The following GTSE1 variants were observed in gnomAD, a reference collection of about 807,000 sequenced individuals.
GTSE1 encodes G2 and S-phase expressed 1.
GTSE1 carries 52 observed loss-of-function variants against 60.5 expected under a neutral mutation model. The observed-to-expected ratio is 0.86, with a 90% CI of 0.69 to 1.08. The LOEUF (loss-of-function observed/expected upper bound fraction) is 1.08. GTSE1 is among the 50% of genes least tolerant of loss of function. The pLI, the probability that GTSE1 is intolerant of heterozygous loss-of-function variation, is 0.00. For synonymous variants in GTSE1, 368 were observed against 386.5 expected, an observed-to-expected ratio of 0.95 and a Z score of 0.56; for missense variants, 937 against 961.8, an observed-to-expected ratio of 0.97 and a Z score of 0.34.
At chr22:46,328,194 G>A (rs951427639) in intron 9 of GTSE1, among the ~76,000 whole-genome samples, 7 of 152,148 alleles carry the variant, frequency 4.6e-5, no homozygotes, top group South Asian at 2.1e-4. Flanking sequence ...TGTGGGAGAC[G>A]CCATTGGAAA....
chr22:46,306,402 T>C (rs189156506), intron 2 of GTSE1, among the ~76,000 whole-genome samples: 3 of 152,146 alleles, frequency 2.0e-5, no homozygotes, highest in East Asian at 3.9e-4. Context: ...AGGATGGTCT[T>C]GATCTCCTGA....
chr22:46,318,347 C>T lies in GTSE1; in HGVS notation c.1432+1935C>T, dbSNP rs1256485600. On this transcript the variant is annotated intron_variant, in intron 7 of 11. Transcript: ENST00000454366. This position sits in a 1 kb window ranked among gnomAD's most constrained non-coding sequence, Gnocchi z 4.8. ...ACTCCCAGAAACTGCATTCTGAGTC[C>T]TGCTGTAGGAACAAGCTGTTCTGCT... Among the ~76,000 whole-genome samples, 1 of 152,172 alleles carries T rather than the reference C, an allele frequency of 6.6e-6. No individual in the cohort carries two copies. The highest frequency in any genetic ancestry group is 1.5e-5 in the Non-Finnish European group (1 of 68,022).
At chr22:46,302,365 T>C (rs1184140334) in intron 2 of GTSE1, among the ~76,000 whole-genome samples, 1 of 152,150 alleles carries the variant, frequency 6.6e-6, no homozygotes, top group Non-Finnish European at 1.5e-5. Context: ...TGAAGGTCAA[T>C]CTTTTATTTT....
rs537490335 is a variant in GTSE1, at chr22:46,322,294, C to T, written c.1433-896C>T. Among the ~76,000 whole-genome samples the T allele has an allele frequency of 1.5e-4, 23 of 152,252 alleles. No homozygotes were observed. The South Asian group carries it at 1.7e-3, about 11-fold the overall frequency. ...CTGTGGGGGCAGCAGCCTGGACCCT[C>T]GCCTGGCCTCCTGGAAGCACCTGTG... On this transcript the variant is annotated intron_variant, in intron 7 of 11. Transcript: ENST00000454366.
chr22:46,311,703 T>G (rs1260437983), intron 4 of GTSE1, among the ~76,000 whole-genome samples: 1 of 152,172 alleles, frequency 6.6e-6, no homozygotes, highest in Non-Finnish European at 1.5e-5. Context: ...CCAAAGAAAA[T>G]GGCTTTCAGT....
At chr22:46,301,731 C>T (rs1162728047) in intron 2 of GTSE1, among the ~76,000 whole-genome samples, 3 of 151,982 alleles carry the variant, frequency 2.0e-5, no homozygotes, top group Non-Finnish European at 4.4e-5. Context: ...TCAGGTGATC[C>T]ACCCGCCTCG....
chr22:46,297,497 C>A lies in GTSE1; in HGVS notation c.79+18C>A, dbSNP rs562110254. 4 of 1,564,832 alleles carry A rather than the reference C, an allele frequency of 2.6e-6. No homozygotes were observed. In the African/African-American group the frequency reaches 4.1e-5, roughly 16 times the overall value. Reference sequence around the variant, plus strand: ...GAAGGAAGGCAAGTCCTTGCTGCTGCGGCGCTGTTGTTGTTCAGGATGTTC... The same window carrying A: ...GAAGGAAGGCAAGTCCTTGCTGCTGAGGCGCTGTTGTTGTTCAGGATGTTC... On this transcript the variant is annotated intron_variant, in intron 2 of 11. Transcript: ENST00000454366. The surrounding 1 kb of genome is among the most constrained non-coding windows in gnomAD (Gnocchi z 4.9).
chr22:46,311,166 C>T (rs1304044606), intron 4 of GTSE1, among the ~76,000 whole-genome samples: 1 of 152,052 alleles, frequency 6.6e-6, no homozygotes, highest in Non-Finnish European at 1.5e-5. Flanking sequence ...CATCCTCTGC[C>T]TCTCGGGTTC....
At position 46,310,516 on chromosome 22, in the gene GTSE1, A is replaced by C. The variant is rs1193112820; in HGVS notation, c.762+1573A>C. Among the ~76,000 whole-genome samples, 1 of 152,244 alleles carries C rather than the reference A, an allele frequency of 6.6e-6. No individual in the cohort carries two copies. The highest frequency in any genetic ancestry group is 2.1e-4 in the South Asian group (1 of 4,830). ...TATCCACAGAAAAATCCACATGCAG[A>C]TGTTCGAAGCAGCATTATTCATAAC... On this transcript the variant is annotated intron_variant, in intron 4 of 11. Transcript: ENST00000454366. The surrounding 1 kb of genome is among the most constrained non-coding windows in gnomAD (Gnocchi z 4.4).
intron 2 of GTSE1, among the ~76,000 whole-genome samples, chr22:46,300,247 G>A (rs1037335361): frequency 1.3e-5 from 2 of 152,202 alleles, no homozygotes; most frequent in African/African-American, 4.8e-5. Flanking sequence ...AAAGGCATGA[G>A]CCACCGTGCC....
Position 46,312,220 on chromosome 22 carries a change from A to G in GTSE1, c.842A>G (p.Asp281Gly). 6.2e-7 allele frequency: 1 copy of G among 1,614,170 alleles called. No individual in the cohort carries two copies. Among genetic ancestry groups the G allele is most frequent in the Non-Finnish European group, 8.5e-7 (1 of 1,180,014 alleles). Residue 281 changes from aspartate (D) to glycine (G), a missense_variant, in exon 5 of 12, where the codon GAC (aspartate) becomes GGC (glycine). Coordinates refer to ENST00000454366, the MANE Select transcript of GTSE1 (RefSeq NM_016426.7). ...EKESHRDVLP[D>G]KPAPGAVNVP... ...GAATCCCACCGGGATGTTCTCCCTG[A>G]CAAACCTGCCCCGGGTGCTGTCAAT...
chr22:46,329,128 A>G lies in GTSE1; in HGVS notation c.1927-230A>G. On this transcript the variant is annotated intron_variant, in intron 10 of 11. Coordinates refer to ENST00000454366, the MANE Select transcript of GTSE1 (RefSeq NM_016426.7). This position sits in a 1 kb window ranked among gnomAD's most constrained non-coding sequence, Gnocchi z 6.4. Reference sequence around the variant, plus strand: ...GATCAAAGCTGAGGAAGCGGGAAGCAGGGTGGCAGGAGCTGGTGGCTGCTG... The same window carrying G: ...GATCAAAGCTGAGGAAGCGGGAAGCGGGGTGGCAGGAGCTGGTGGCTGCTG... The G allele has an allele frequency of 1.6e-6, 1 of 625,232 alleles. No homozygotes were observed. Among genetic ancestry groups the G allele is most frequent in the Non-Finnish European group, 2.8e-6 (1 of 354,442 alleles). 38.7% of individuals were successfully genotyped at this position (625,232 alleles called of 1,614,324 possible).
chr22:46,311,131 G>C (rs1224558942), intron 4 of GTSE1, among the ~76,000 whole-genome samples: 1 of 151,872 alleles, frequency 6.6e-6, no homozygotes, highest in African/African-American at 2.4e-5. Flanking sequence ...AGGCAGGAGT[G>C]CAATGGTGCA....
In GTSE1 at chr22:46,297,344, C is replaced by A; in HGVS notation, c.-21-36C>A. ...AGGAAGCCGGAGCCCTGGGCCCTGACACGTACTCACTTTCTGGCCCCGTTC... is the reference window on the plus strand; with the variant it reads ...AGGAAGCCGGAGCCCTGGGCCCTGAAACGTACTCACTTTCTGGCCCCGTTC... On this transcript the variant is annotated intron_variant, in intron 1 of 11. Coordinates refer to ENST00000454366, the MANE Select transcript of GTSE1 (RefSeq NM_016426.7). The surrounding 1 kb of genome is among the most constrained non-coding windows in gnomAD (Gnocchi z 4.9). 8.5e-7 allele frequency: 1 copy of A among 1,182,786 alleles called. No homozygotes were observed. Among genetic ancestry groups the A allele is most frequent in the Non-Finnish European group, 1.3e-6 (1 of 787,576 alleles). The allele number at this position is 1,182,786 out of a possible 1,614,324, so 73.3% of individuals were successfully genotyped here.
In GTSE1 at chr22:46,312,126, A is replaced by T. The variant is rs985279046; in HGVS notation, c.763-15A>T. ...AGCACTAGACAGTTCTCACAGTTCA[A>T]ATTAAAATTTTCAGCCCAAGAAAGA... On this transcript the variant is annotated splice_polypyrimidine_tract_variant and intron_variant, in intron 4 of 11. Transcript: ENST00000454366. 3.1e-6 allele frequency: 5 copies of T among 1,605,688 alleles called. No individual in the cohort carries two copies. Among genetic ancestry groups the T allele is most frequent in the Admixed American group, 1.7e-5 (1 of 59,194 alleles).
chr22:46,326,788 T>C, intron 9 of GTSE1, 134 bp downstream of exon 9: 1 of 612,466 alleles, frequency 1.6e-6, no homozygotes, highest in Non-Finnish European at 2.7e-6. Context: ...TTTGTTTTTT[T>C]TTTCATTGCA....
In GTSE1 at chr22:46,329,974, T is replaced by C; in HGVS notation, c.2137-73T>C. The C allele has an allele frequency of 1.1e-6, 1 of 918,116 alleles. No homozygotes were observed. Among genetic ancestry groups the C allele is most frequent in the Non-Finnish European group, 1.8e-6 (1 of 549,596 alleles). The allele number at this position is 918,116 out of a possible 1,614,324, so 56.9% of individuals were successfully genotyped here. ...TGGCTGTGATGACCCACGCAGCCAGTCCTCTGTGCAGGGAGGGGAAGGGAG... is the reference window on the plus strand; with the variant it reads ...TGGCTGTGATGACCCACGCAGCCAGCCCTCTGTGCAGGGAGGGGAAGGGAG... On this transcript the variant is annotated intron_variant, in intron 11 of 11. Coordinates refer to ENST00000454366, the MANE Select transcript of GTSE1 (RefSeq NM_016426.7). The surrounding 1 kb of genome is among the most constrained non-coding windows in gnomAD (Gnocchi z 6.4).
rs189810989 is a variant in GTSE1 at position 46,297,667 on chromosome 22, G to A, written c.79+188G>A. On this transcript the variant is annotated intron_variant, in intron 2 of 11. Transcript: ENST00000454366. The surrounding 1 kb of genome is among the most constrained non-coding windows in gnomAD (Gnocchi z 4.9). ...CCTCCCCATTTTAAGTTTCATCACA[G>A]CCAGGATTCTCATCCGTTTTATTTA... 1.1e-4 allele frequency among the ~76,000 whole-genome samples: 16 copies of A among 152,294 alleles called. No individual in the cohort carries two copies. Among genetic ancestry groups the A allele is most frequent in the African/African-American group, 3.6e-4 (15 of 41,566 alleles).
At chr22:46,323,987 C>T (rs1427091732) in intron 8 of GTSE1, among the ~76,000 whole-genome samples, 1 of 152,082 alleles carries the variant, frequency 6.6e-6, no homozygotes, top group Non-Finnish European at 1.5e-5. Context: ...CCACCGTGTC[C>T]GGCCTGACTT....
Sources: gnomAD v4.1 joint callset for allele counts (sites outside exome capture counted in the v4.1 genomes callset) on GRCh38, gnomAD v4.1.1 for gene constraint, Gnocchi (gnomAD v3.1) non-coding constraint, MANE v1.5 for transcripts, NCBI Gene and HGNC (gene_info 2026-07-23, HGNC 2026-07-21) for gene names.